CEMIP2: variants seen among roughly 807,000 people sequenced by gnomAD.
CEMIP2 encodes the protein cell migration inducing hyaluronidase 2, also known as cell surface hyaluronidase CEMIP2.
In CEMIP2, 79 loss-of-function variants were observed where a neutral mutation model predicts 146.9. The observed-to-expected ratio is 0.54, with a 90% CI of 0.45 to 0.65. The LOEUF (loss-of-function observed/expected upper bound fraction) is 0.65. Ranked by LOEUF, CEMIP2 falls within the 30% of genes least tolerant of loss-of-function variation. The pLI is 0.00. For missense variants in CEMIP2, 1,596 were observed against 1,696.2 expected, an observed-to-expected ratio of 0.94 and a Z score of 1.04; for synonymous variants, 601 against 606.3, an observed-to-expected ratio of 0.99 and a Z score of 0.13.
chr9:71,752,489 A>G (rs114214342), intron 1 of CEMIP2, among the ~76,000 whole-genome samples: 2 of 10,696 alleles, frequency 1.9e-4, no homozygotes, highest in African/African-American at 4.4e-4. Context: ...AGGGGGAGGG[A>G]AGGAGGGAGG....
intron 17 of CEMIP2, among the ~76,000 whole-genome samples, chr9:71,705,920 C>T (rs1465406784): frequency 6.6e-6 from 1 of 151,758 alleles, no homozygotes; most frequent in Non-Finnish European, 1.5e-5. Context: ...TACCTTTATC[C>T]CTCAGGTCAT....
At chr9:71,687,488 G>T (rs1822099556) in intron 22 of CEMIP2, 1 of 151,898 alleles carries the variant, frequency 6.6e-6, no homozygotes, top group Non-Finnish European at 1.5e-5. Flanking sequence ...GTGTGTGTGT[G>T]TGTGTGTACA....
chr9:71,753,552 A>G (rs1824321774), intron 1 of CEMIP2, among the ~76,000 whole-genome samples: 1 of 152,198 alleles, frequency 6.6e-6, no homozygotes, highest in Non-Finnish European at 1.5e-5. Context: ...CATTACCTCT[A>G]CTTTATTGAA....
Position 71,698,070 on chromosome 9 carries a change from T to C in CEMIP2, c.3512A>G (p.Tyr1171Cys). 1 of 1,614,142 alleles carries C rather than the reference T, an allele frequency of 6.2e-7. No individual in the cohort carries two copies. The highest frequency in any genetic ancestry group is 2.2e-5 in the East Asian group (1 of 44,870). ...TGACGGCTTTCTGTAGTACTGTGGG[T>C]ATGCTTTGGCCATGCAGTTACTGAT... ...KDISNCMAKA[Y>C]PQYYRKPSVV... Residue 1171 changes from tyrosine (Y) to cysteine (C), a missense_variant, in exon 20 of 24, where the codon TAC becomes TGC. Tyr to Cys is a radical substitution (Grantham distance 194, BLOSUM62 -2). Coordinates refer to ENST00000377044, the MANE Select transcript of CEMIP2 (RefSeq NM_013390.3).
intron 16 of CEMIP2, among the ~76,000 whole-genome samples, chr9:71,710,940 C>T (rs1822887664): frequency 6.6e-6 from 1 of 152,174 alleles, no homozygotes; most frequent in African/African-American, 2.4e-5. Context: ...ATAAACCTAT[C>T]AAGCTCTATT....
chr9:71,703,177 A>G (rs987920817), intron 18 of CEMIP2, among the ~76,000 whole-genome samples: 2 of 152,208 alleles, frequency 1.3e-5, no homozygotes, highest in African/African-American at 4.8e-5. Flanking sequence ...TGACTTAGCC[A>G]CAAACACTGT....
intron 12 of CEMIP2, among the ~76,000 whole-genome samples, chr9:71,720,409 G>C (rs1823200578): frequency 6.6e-6 from 1 of 152,182 alleles, no homozygotes; most frequent in South Asian, 2.1e-4. Context: ...TCCTGCCTCA[G>C]TCTCCTGAGT....
intron 12 of CEMIP2, among the ~76,000 whole-genome samples, chr9:71,718,727 T>C (rs536635408): frequency 6.6e-5 from 10 of 152,048 alleles, no homozygotes; most frequent in Admixed American, 5.9e-4. Flanking sequence ...CAGGCATCCA[T>C]CGCCACACCC....
In CEMIP2 at chr9:71,722,265, G is replaced by A. The variant is rs143956050; in HGVS notation, c.2267+162C>T. ...CAATAAGATAAAAGACCAGTCACAG[G>A]ACCTGGGACAACAGAATAAGTGGTT... On this transcript the variant is annotated intron_variant, in intron 12 of 23. Transcript: ENST00000377044. Among the ~76,000 whole-genome samples, 704 of 152,246 alleles carry A rather than the reference G, an allele frequency of 4.6e-3. 2 individuals carry two copies. The highest frequency in any genetic ancestry group is 0.016 in the African/African-American group (676 of 41,552).
chr9:71,700,030 C>G (rs1270529534), intron 19 of CEMIP2, among the ~76,000 whole-genome samples: 1 of 152,086 alleles, frequency 6.6e-6, no homozygotes, highest in East Asian at 1.9e-4. Flanking sequence ...GGAATGTCTG[C>G]GTGAGGAGAA....
At chr9:71,697,928 A>C in intron 20 of CEMIP2, 57 bp downstream of exon 20, 1 of 1,555,322 alleles carries the variant, frequency 6.4e-7, no homozygotes, top group Non-Finnish European at 8.8e-7. Context: ...CTCCTATTGC[A>C]AAGAAACCCT....
At chr9:71,762,443 T>C (rs1276248649) in intron 1 of CEMIP2, among the ~76,000 whole-genome samples, 1 of 134,724 alleles carries the variant, frequency 7.4e-6, no homozygotes. Flanking sequence ...CTAGGACTAC[T>C]ATAGAGCCAC....
intron 21 of CEMIP2, among the ~76,000 whole-genome samples, chr9:71,693,684 T>C (rs1175173084): frequency 2.6e-5 from 4 of 152,250 alleles, no homozygotes; most frequent in African/African-American, 7.2e-5. Flanking sequence ...ATTGTATTGC[T>C]TGCTACCAAC....
At chr9:71,689,206 A>G (rs1205177286) in intron 22 of CEMIP2, among the ~76,000 whole-genome samples, 2 of 152,218 alleles carry the variant, frequency 1.3e-5, no homozygotes, top group Non-Finnish European at 2.9e-5. Context: ...ACATATATAC[A>G]TTTAATGTTA....
chr9:71,691,118 C>A (rs1822213094), intron 21 of CEMIP2, among the ~76,000 whole-genome samples: 1 of 152,196 alleles, frequency 6.6e-6, no homozygotes, highest in Non-Finnish European at 1.5e-5. Context: ...CACTTTTGAT[C>A]TCACTGGTAT....
rs561483149 is a variant in CEMIP2 at position 71,738,284 on chromosome 9, C to T, written c.1204+1779G>A. ...TCCCAGCACTTTGGGAGGCTGAGAT[C>T]GACAGATCGCTTGAGGTCAGGAGTT... On this transcript the variant is annotated intron_variant, in intron 5 of 23. Transcript: ENST00000377044. 2.4e-4 allele frequency among the ~76,000 whole-genome samples: 37 copies of T among 152,088 alleles called. 1 individual carries two copies. Among genetic ancestry groups the T allele is most frequent in the African/African-American group, 7.2e-4 (30 of 41,498 alleles).
chr9:71,694,186 G>A (rs1382817483), intron 21 of CEMIP2, among the ~76,000 whole-genome samples: 6 of 151,842 alleles, frequency 4.0e-5, no homozygotes, highest in South Asian at 2.1e-4. Context: ...GCAGTGGCGC[G>A]ATCTCAGCTC....
chr9:71,694,415 A>T (rs1001328669), intron 21 of CEMIP2, 94 bp downstream of exon 21: 9 of 994,408 alleles, frequency 9.1e-6, no homozygotes, highest in Middle Eastern at 2.4e-4. Context: ...GAGCCACCGC[A>T]CCCAGCCAAT....
intron 18 of CEMIP2, 33 bp from the exon 19 acceptor site, chr9:71,700,857 C>T (rs1314572182): frequency 6.4e-7 from 1 of 1,573,868 alleles, no homozygotes; most frequent in Non-Finnish European, 8.6e-7. Context: ...AATTAGTTTA[C>T]ACTTCAGCCA....
Sources: allele counts gnomAD v4.1 joint callset (sites outside exome capture counted in the v4.1 genomes callset), GRCh38; gene constraint gnomAD v4.1.1; transcripts MANE v1.5; gene names NCBI Gene and HGNC (gene_info 2026-07-23, HGNC 2026-07-21).